Variants in PDE4D observed in about 807,000 individuals in gnomAD.
The protein encoded by PDE4D is phosphodiesterase 4D.
In PDE4D, 24 loss-of-function variants were observed where a neutral mutation model predicts 87.4. That is an observed-to-expected ratio of 0.27 (90% confidence interval 0.20 to 0.39). PDE4D has a LOEUF of 0.39. Ranked by LOEUF, PDE4D falls within the 10% of genes least tolerant of loss-of-function variation. The pLI is 1.00. For synonymous variants in PDE4D, 384 were observed against 383.2 expected, an observed-to-expected ratio of 1.00 and a Z score of -0.02; for missense variants, 714 against 1,041.0, an observed-to-expected ratio of 0.69 and a Z score of 4.32.
intron 1 of PDE4D, among the ~76,000 whole-genome samples, chr5:60,437,590 A>G (rs1338085991): frequency 6.6e-6 from 1 of 152,122 alleles, no homozygotes; most frequent in Non-Finnish European, 1.5e-5. Flanking sequence ...TGCAATTTGC[A>G]TGGCAGGCCT....
intron 1 of PDE4D, among the ~76,000 whole-genome samples, chr5:59,687,809 G>A (rs1163042935): frequency 6.6e-6 from 1 of 152,112 alleles, no homozygotes; most frequent in Non-Finnish European, 1.5e-5. Flanking sequence ...CCACTGTGCT[G>A]TATTCAGGAG....
chr5:59,337,411 A>C (rs1347191692), intron 1 of PDE4D, among the ~76,000 whole-genome samples: 2 of 134,424 alleles, frequency 1.5e-5, no homozygotes, highest in Non-Finnish European at 3.1e-5. Flanking sequence ...GGCTCACTGC[A>C]GGCTCCGTCC....
chr5:59,381,157 G>C (rs866415201), intron 1 of PDE4D, among the ~76,000 whole-genome samples: 1 of 152,168 alleles, frequency 6.6e-6, no homozygotes, highest in South Asian at 2.1e-4. Flanking sequence ...TTAAAACAAA[G>C]ACCATTGTAG....
Position 59,592,986 on chromosome 5 carries a change from AT to A in PDE4D, c.455+300181del, listed in dbSNP as rs559286234. ...TAATTTTAACTTATTATAATTTAAA[AT>A]TTTTTAATAAGAAGAGCTCTTTAAA... On this transcript the variant is annotated intron_variant, in intron 1 of 14. Coordinates refer to ENST00000340635, the MANE Select transcript of PDE4D (RefSeq NM_001104631.2). Among the ~76,000 whole-genome samples the A allele has an allele frequency of 4.1e-4, 62 of 151,954 alleles. 1 individual carries two copies. Among genetic ancestry groups the A allele is most frequent in the Admixed American group, 3.5e-3 (53 of 15,284 alleles).
At chr5:60,521,294 AC>A (rs1751029582) in intron 1 of PDE4D, 1 of 152,198 alleles carries the variant, frequency 6.6e-6, no homozygotes, top group Admixed American at 6.5e-5. Flanking sequence ...ACAAAAAAGG[AC>A]CCAAAGTCCT....
intron 5 of PDE4D, among the ~76,000 whole-genome samples, chr5:59,061,839 T>C (rs936601277): frequency 6.6e-6 from 1 of 152,140 alleles, no homozygotes; most frequent in Non-Finnish European, 1.5e-5. Context: ...TTCACAGCAG[T>C]GAAAGCCTGC....
intron 2 of PDE4D, among the ~76,000 whole-genome samples, chr5:60,130,957 T>C (rs949158377): frequency 2.0e-5 from 3 of 152,180 alleles, no homozygotes; most frequent in Non-Finnish European, 4.4e-5. Flanking sequence ...TTTATGACTA[T>C]GTAAAGATTA....
chr5:59,364,921 T>A (rs1389884935), intron 1 of PDE4D, among the ~76,000 whole-genome samples: 1 of 152,034 alleles, frequency 6.6e-6, no homozygotes, highest in East Asian at 1.9e-4. Flanking sequence ...CAAATGCATG[T>A]TTAGCATCAC....
intron 3 of PDE4D, among the ~76,000 whole-genome samples, chr5:59,926,733 G>A (rs565872315): frequency 2.0e-5 from 3 of 152,130 alleles, no homozygotes; most frequent in Non-Finnish European, 2.9e-5. Flanking sequence ...ATCATTAGAG[G>A]CTACTATAAG....
chr5:59,301,346 C>T (rs1457894000), intron 1 of PDE4D, among the ~76,000 whole-genome samples: 1 of 152,138 alleles, frequency 6.6e-6, no homozygotes, highest in East Asian at 1.9e-4. Context: ...TATATCATAA[C>T]ACCACACATA....
At chr5:59,251,904 A>C (rs1005359530) in intron 1 of PDE4D, among the ~76,000 whole-genome samples, 17 of 151,916 alleles carry the variant, frequency 1.1e-4, no homozygotes, top group Admixed American at 1.1e-3. Flanking sequence ...TATTATCCTT[A>C]GCAAATTAAC....
chr5:59,109,529 A>G (rs1772249278), intron 5 of PDE4D, among the ~76,000 whole-genome samples: 1 of 152,198 alleles, frequency 6.6e-6, no homozygotes, highest in South Asian at 2.1e-4. Flanking sequence ...CTAGCAGAGG[A>G]CAATTGCAGG....
intron 1 of PDE4D, among the ~76,000 whole-genome samples, chr5:60,443,857 T>G (rs1018687134): frequency 1.3e-5 from 2 of 152,106 alleles, no homozygotes; most frequent in African/African-American, 4.8e-5. Flanking sequence ...AAATATTTAC[T>G]CAACATCCAC....
intron 2 of PDE4D, among the ~76,000 whole-genome samples, chr5:60,061,186 T>C (rs1562041493): frequency 1.3e-5 from 2 of 152,082 alleles, no homozygotes; most frequent in Admixed American, 6.6e-5. Flanking sequence ...AAAACCCCAT[T>C]GTCTCAGCCC....
At chr5:59,664,072 A>G (rs763875272) in intron 1 of PDE4D, among the ~76,000 whole-genome samples, 1 of 152,194 alleles carries the variant, frequency 6.6e-6, no homozygotes, top group Non-Finnish European at 1.5e-5. Context: ...AATATTGACA[A>G]GAAATTTATA....
chr5:59,974,503 C>T (rs1446568823), intron 3 of PDE4D, among the ~76,000 whole-genome samples: 1 of 152,010 alleles, frequency 6.6e-6, no homozygotes, highest in African/African-American at 2.4e-5. Flanking sequence ...ACTGAAACAC[C>T]AGAAGCTCCT....
intron 1 of PDE4D, among the ~76,000 whole-genome samples, chr5:59,788,680 G>C (rs1344239466): frequency 6.6e-6 from 1 of 152,204 alleles, no homozygotes; most frequent in Non-Finnish European, 1.5e-5. Flanking sequence ...GTGTTCCTGT[G>C]GGACACATTT....
intron 1 of PDE4D, among the ~76,000 whole-genome samples, chr5:60,307,232 T>C (rs1754580976): frequency 6.6e-6 from 1 of 152,186 alleles, no homozygotes; most frequent in Non-Finnish European, 1.5e-5. Flanking sequence ...GGTAATTCTT[T>C]TTCTTAAAAG....
chr5:60,071,127 C>T (rs761965771), intron 2 of PDE4D, among the ~76,000 whole-genome samples: 2 of 151,730 alleles, frequency 1.3e-5, no homozygotes, highest in Non-Finnish European at 2.9e-5. Flanking sequence ...TATAAAAAAC[C>T]AGTAAAACCA....
Sources: gnomAD v4.1 joint callset for allele counts (sites outside exome capture counted in the v4.1 genomes callset) on GRCh38, gnomAD v4.1.1 for gene constraint, MANE v1.5 for transcripts, NCBI Gene and HGNC (gene_info 2026-07-23, HGNC 2026-07-21) for gene names.